The following C8orf34 variants were observed in gnomAD, a reference collection of about 807,000 sequenced individuals.
C8orf34 encodes the protein uncharacterized protein C8orf34.
In C8orf34, 65 loss-of-function variants were observed where a neutral mutation model predicts 68.3. The observed-to-expected ratio is 0.95, with a 90% CI of 0.78 to 1.17. C8orf34 has a LOEUF of 1.17. Ranked by LOEUF, C8orf34 falls within the 50% of genes most tolerant of loss-of-function variation. The pLI, the probability that C8orf34 is intolerant of heterozygous loss-of-function variation, is 0.00. For synonymous variants in C8orf34, 244 were observed against 241.2 expected (o/e 1.01, Z -0.11); for missense variants, 664 against 655.4 (o/e 1.01, Z -0.14).
At chr8:68,586,542 G>T (rs1360529769) in intron 7 of C8orf34, among the ~76,000 whole-genome samples, 2 of 152,116 alleles carry the variant, frequency 1.3e-5, no homozygotes, top group African/African-American at 4.8e-5. Flanking sequence ...CTGTAATGCA[G>T]TGCGGCTCAC....
chr8:68,659,497 T>C (rs1281712288), intron 8 of C8orf34, among the ~76,000 whole-genome samples: 2 of 152,326 alleles, frequency 1.3e-5, no homozygotes, highest in East Asian at 3.9e-4. Context: ...TCTTTTAAAG[T>C]ACATTTTACA....
At chr8:68,527,775 G>C (rs893974375) in intron 6 of C8orf34, among the ~76,000 whole-genome samples, 3 of 152,168 alleles carry the variant, frequency 2.0e-5, no homozygotes, top group Non-Finnish European at 4.4e-5. Context: ...ATCTGGGAAA[G>C]AGGGGCCTCG....
intron 1 of C8orf34, among the ~76,000 whole-genome samples, chr8:68,384,372 G>A (rs2129620336): frequency 6.6e-6 from 1 of 152,268 alleles, no homozygotes; most frequent in African/African-American, 2.4e-5. Context: ...TTGCTGTCTG[G>A]CCCAACAATA....
chr8:68,486,577 A>G (rs1260910180), intron 4 of C8orf34, among the ~76,000 whole-genome samples: 1 of 152,188 alleles, frequency 6.6e-6, no homozygotes, highest in African/African-American at 2.4e-5. Flanking sequence ...CAATGGTGTC[A>G]TTTACTGAGA....
intron 8 of C8orf34, among the ~76,000 whole-genome samples, chr8:68,651,898 AAAAT>A (rs1356576289): frequency 2.6e-5 from 4 of 152,192 alleles, no homozygotes; most frequent in African/African-American, 9.6e-5. Context: ...CCCTGAATCT[AAAAT>A]AAAATAAAAT....
intron 1 of C8orf34, among the ~76,000 whole-genome samples, chr8:68,387,110 G>T (rs893359901): frequency 3.3e-5 from 5 of 152,136 alleles, no homozygotes; most frequent in Middle Eastern, 3.4e-3. Context: ...GGTGTATCTG[G>T]CTCATGGTGC....
intron 8 of C8orf34, among the ~76,000 whole-genome samples, chr8:68,701,067 A>G (rs1821002390): frequency 1.3e-5 from 2 of 152,126 alleles, no homozygotes; most frequent in African/African-American, 4.8e-5. Context: ...ATTTATCAGG[A>G]TCTACTATTT....
chr8:68,555,570 A>T (rs1484291047), intron 7 of C8orf34, among the ~76,000 whole-genome samples: 1 of 152,026 alleles, frequency 6.6e-6, no homozygotes, highest in Non-Finnish European at 1.5e-5. Context: ...TATCTCCATC[A>T]TTCCAGTTCC....
intron 1 of C8orf34, among the ~76,000 whole-genome samples, chr8:68,422,508 C>A (rs868054348): frequency 3.6e-4 from 55 of 152,208 alleles, no homozygotes; most frequent in African/African-American, 1.3e-3. Context: ...TGACCTTGGG[C>A]AGCTCTACTC....
intron 7 of C8orf34, among the ~76,000 whole-genome samples, chr8:68,552,135 T>C (rs903175048): frequency 6.6e-6 from 1 of 152,182 alleles, no homozygotes; most frequent in African/African-American, 2.4e-5. Context: ...ACTCTAGCTA[T>C]GTGATATGTT....
chr8:68,638,167 C>T (rs73683585), intron 7 of C8orf34, among the ~76,000 whole-genome samples: 3,119 of 152,254 alleles, frequency 0.02, 105 homozygotes, highest in African/African-American at 0.068. Context: ...CTCCAGTCAG[C>T]TGTCTACTCT....
intron 6 of C8orf34, among the ~76,000 whole-genome samples, chr8:68,522,600 C>T (rs1231788511): frequency 6.6e-6 from 1 of 152,092 alleles, no homozygotes; most frequent in Non-Finnish European, 1.5e-5. Flanking sequence ...TTTACGTGCC[C>T]ATGTGCTGGT....
chr8:68,385,338 T>C (rs1808216267), intron 1 of C8orf34, among the ~76,000 whole-genome samples: 1 of 152,144 alleles, frequency 6.6e-6, no homozygotes, highest in African/African-American at 2.4e-5. Flanking sequence ...GTATTCATGC[T>C]CTCAATCCCC....
At chr8:68,798,768 A>C (rs1179291746) in intron 12 of C8orf34, among the ~76,000 whole-genome samples, 1 of 152,112 alleles carries the variant, frequency 6.6e-6, no homozygotes, top group African/African-American at 2.4e-5. Context: ...TTATTTTGAA[A>C]TGTTCCCCAT....
chr8:68,491,469 CTGTT>C (rs1813310174), intron 5 of C8orf34, among the ~76,000 whole-genome samples: 1 of 152,162 alleles, frequency 6.6e-6, no homozygotes, highest in South Asian at 2.1e-4. Flanking sequence ...CAGGGGAAAT[CTGTT>C]TGCTCACCTT....
intron 10 of C8orf34, among the ~76,000 whole-genome samples, chr8:68,724,470 A>G (rs1316042121): frequency 1.3e-5 from 2 of 152,174 alleles, no homozygotes; most frequent in Non-Finnish European, 2.9e-5. Context: ...AGACTCTTGG[A>G]AACTGTTTTT....
At chr8:68,502,541 C>T (rs1375267055) in intron 5 of C8orf34, among the ~76,000 whole-genome samples, 1 of 152,006 alleles carries the variant, frequency 6.6e-6, no homozygotes, top group African/African-American at 2.4e-5. Context: ...TAAAAAAAGC[C>T]ATCGTTAGTC....
intron 10 of C8orf34, among the ~76,000 whole-genome samples, chr8:68,721,754 T>C (rs563587671): frequency 4.6e-5 from 7 of 152,186 alleles, no homozygotes; most frequent in African/African-American, 1.4e-4. Flanking sequence ...ATGTGACTTA[T>C]GCTATTCTTA....
intron 5 of C8orf34, among the ~76,000 whole-genome samples, chr8:68,503,890 A>T (rs1039793212): frequency 6.6e-6 from 1 of 152,152 alleles, no homozygotes; most frequent in African/African-American, 2.4e-5. Flanking sequence ...TGTAAAAGGG[A>T]AAATGAATTT....
Sources: allele counts gnomAD v4.1 joint callset (sites outside exome capture counted in the v4.1 genomes callset), GRCh38; gene constraint gnomAD v4.1.1; transcripts MANE v1.5; gene names NCBI Gene and HGNC (gene_info 2026-07-23, HGNC 2026-07-21).